FGF14: variants seen among roughly 807,000 people sequenced by gnomAD.
FGF14 encodes the protein fibroblast growth factor homologous factor 4.
FGF14 carries 5 observed loss-of-function variants against 25.5 expected under a neutral mutation model. That is an observed-to-expected ratio of 0.20 (90% CI 0.10 to 0.41). FGF14 has a LOEUF of 0.41. Among genes scored for constraint, FGF14 ranks in the 10% least tolerant of loss-of-function variants. The probability of loss-of-function intolerance (pLI) is 1.00; values close to 1 mark genes in which losing one functional copy is unlikely to be tolerated. For missense variants in FGF14, 222 were observed against 320.1 expected (o/e 0.69, Z 2.34); for synonymous variants, 138 against 118.3 (o/e 1.17, Z -1.08).
At chr13:102,330,905 A>G (rs1331063178) in intron 1 of FGF14, among the ~76,000 whole-genome samples, 1 of 152,200 alleles carries the variant, frequency 6.6e-6, no homozygotes, top group African/African-American at 2.4e-5. Context: ...TTTTTCTGGC[A>G]TCTAAAATAG....
intron 1 of FGF14, among the ~76,000 whole-genome samples, chr13:102,033,595 T>C (rs2041323257): frequency 6.6e-6 from 1 of 152,122 alleles, no homozygotes; most frequent in African/African-American, 2.4e-5. Flanking sequence ...ACCTCAGCAT[T>C]ACTTTCTCCT....
intron 3 of FGF14, among the ~76,000 whole-genome samples, chr13:101,795,741 T>G (rs2040484370): frequency 6.6e-6 from 1 of 152,164 alleles, no homozygotes; most frequent in South Asian, 2.1e-4. Context: ...CGTCTTAGGA[T>G]GCACACACAA....
chr13:102,125,307 T>C (rs1264574090), intron 1 of FGF14, among the ~76,000 whole-genome samples: 3 of 152,200 alleles, frequency 2.0e-5, no homozygotes, highest in Non-Finnish European at 2.9e-5. Flanking sequence ...CATGCATTTA[T>C]ATTATTTAAA....
chr13:102,386,493 G>A (rs1210417652), intron 1 of FGF14, among the ~76,000 whole-genome samples: 1 of 152,116 alleles, frequency 6.6e-6, no homozygotes, highest in African/African-American at 2.4e-5. Context: ...CATAAAAAAT[G>A]GTCAAAGATT....
intron 1 of FGF14, among the ~76,000 whole-genome samples, chr13:102,042,615 A>T (rs1002124732): frequency 3.3e-5 from 5 of 152,136 alleles, no homozygotes; most frequent in South Asian, 2.1e-4. Flanking sequence ...GCTGTGTCCA[A>T]TATGTGTGAA....
intron 1 of FGF14, among the ~76,000 whole-genome samples, chr13:102,372,827 T>A (rs1384157605): frequency 2.0e-5 from 3 of 152,134 alleles, no homozygotes; most frequent in Non-Finnish European, 2.9e-5. Flanking sequence ...ACGAGCCCTT[T>A]CTACAACGCA....
intron 1 of FGF14, among the ~76,000 whole-genome samples, chr13:102,248,846 G>GA (rs1238750891): frequency 1.3e-5 from 2 of 152,032 alleles, no homozygotes; most frequent in Non-Finnish European, 2.9e-5. Context: ...AACGAAAGCT[G>GA]AAAAAAGCAT....
chr13:102,167,706 G>A (rs2048076060), intron 1 of FGF14, among the ~76,000 whole-genome samples: 1 of 151,756 alleles, frequency 6.6e-6, no homozygotes, highest in South Asian at 2.1e-4. Flanking sequence ...CAGTATACAA[G>A]TGGGATTTTT....
intron 1 of FGF14, among the ~76,000 whole-genome samples, chr13:101,882,204 T>G (rs2045747176): frequency 6.6e-6 from 1 of 152,130 alleles, no homozygotes; most frequent in Admixed American, 6.6e-5. Context: ...TTAAAGAATC[T>G]GAAGAAAAAC....
At chr13:102,064,436 T>A (rs1185987562) in intron 1 of FGF14, among the ~76,000 whole-genome samples, 1 of 152,130 alleles carries the variant, frequency 6.6e-6, no homozygotes. Flanking sequence ...ATAAGTTGTT[T>A]AATACAACTT....
intron 1 of FGF14, among the ~76,000 whole-genome samples, chr13:102,090,333 C>T (rs2044110424): frequency 6.6e-6 from 1 of 152,198 alleles, no homozygotes; most frequent in Non-Finnish European, 1.5e-5. Flanking sequence ...TCCTGTGCTA[C>T]TATTCGAAGG....
intron 1 of FGF14, among the ~76,000 whole-genome samples, chr13:101,998,061 A>G (rs2039283707): frequency 6.6e-6 from 1 of 152,152 alleles, no homozygotes; most frequent in Non-Finnish European, 1.5e-5. Context: ...ATAATCTTTT[A>G]CGATACTTGG....
At chr13:102,160,142 AG>A (rs2047554584) in intron 1 of FGF14, among the ~76,000 whole-genome samples, 1 of 152,120 alleles carries the variant, frequency 6.6e-6, no homozygotes, top group Non-Finnish European at 1.5e-5. Context: ...GAAGGAAATA[AG>A]GGTACGTTTT....
chr13:101,717,125 T>G lies in FGF14; in HGVS notation c.*5706A>C, dbSNP rs1369637032. ...AAATTTTTACTTGGAAATTTTATTT[T>G]AATGATGTAAATATTCTAGTCATGG... On this transcript the variant is annotated 3_prime_UTR_variant, in exon 5 of 5. Coordinates refer to ENST00000376143, the MANE Select transcript of FGF14 (RefSeq NM_004115.4). 3 of 152,166 alleles carry G rather than the reference T, an allele frequency of 2.0e-5. No homozygotes were observed. The highest frequency in any genetic ancestry group is 4.4e-5 in the Non-Finnish European group (3 of 68,014). The allele number at this position is 152,166 out of a possible 1,614,324, so 9.4% of individuals were successfully genotyped here. A position where few individuals can be genotyped will look rare whatever the true frequency, so the allele number is the denominator to read the frequency against.
At chr13:102,394,523 A>C (rs1566985138) in intron 1 of FGF14, 1 of 152,336 alleles carries the variant, frequency 6.6e-6, no homozygotes, top group South Asian at 2.1e-4. Context: ...TAGCAACAAC[A>C]GCACAAGCTG....
At chr13:102,017,809 T>C (rs997227692) in intron 1 of FGF14, among the ~76,000 whole-genome samples, 1 of 152,128 alleles carries the variant, frequency 6.6e-6, no homozygotes, top group Non-Finnish European at 1.5e-5. Context: ...ATTAATTATC[T>C]TTTTGGTCGT....
chr13:101,766,864 C>A (rs569476801), intron 3 of FGF14, among the ~76,000 whole-genome samples: 1 of 152,104 alleles, frequency 6.6e-6, no homozygotes, highest in African/African-American at 2.4e-5. Context: ...GAATGCCAGG[C>A]ACCTCCTGGG....
chr13:102,027,261 A>G (rs1228283384), intron 1 of FGF14, among the ~76,000 whole-genome samples: 1 of 151,288 alleles, frequency 6.6e-6, no homozygotes, highest in African/African-American at 2.4e-5. Flanking sequence ...ATATTTATAA[A>G]ATAGTATAAT....
chr13:102,000,031 G>A (rs1259440011), intron 1 of FGF14, among the ~76,000 whole-genome samples: 1 of 152,092 alleles, frequency 6.6e-6, no homozygotes, highest in African/African-American at 2.4e-5. Flanking sequence ...AAAAACTCAT[G>A]TTTGCCGGGC....
Sources: allele counts gnomAD v4.1 joint callset (sites outside exome capture counted in the v4.1 genomes callset), GRCh38; gene constraint gnomAD v4.1.1; transcripts MANE v1.5; gene names NCBI Gene and HGNC (gene_info 2026-07-23, HGNC 2026-07-21).